SEMA3C: variants seen among roughly 807,000 people sequenced by gnomAD.
SEMA3C encodes the protein semaphorin 3C, also known as semaphorin-3C.
Under a neutral mutation model 89.4 loss-of-function variants are expected in SEMA3C, and 47 were observed. The ratio of observed to expected loss-of-function variants is 0.53; its 90% CI spans 0.42 to 0.67. The LOEUF (loss-of-function observed/expected upper bound fraction) is 0.67, where lower values mean the gene tolerates loss of function less well. Among genes scored for constraint, SEMA3C ranks in the 30% least tolerant of loss-of-function variants. The probability of loss-of-function intolerance (pLI) is 0.00; values close to 1 mark genes in which losing one functional copy is unlikely to be tolerated. For missense variants in SEMA3C, 839 were observed against 929.1 expected, an observed-to-expected ratio of 0.90 and a Z score of 1.26; for synonymous variants, 310 against 320.2, an observed-to-expected ratio of 0.97 and a Z score of 0.34.
intron 2 of SEMA3C, among the ~76,000 whole-genome samples, chr7:80,902,807 ACTTTTC>A (rs1212257193): frequency 5.9e-5 from 9 of 152,122 alleles, no homozygotes; most frequent in African/African-American, 2.2e-4. Flanking sequence ...GGGTATTTAC[ACTTTTC>A]CTTGTGTGTT....
chr7:80,910,605 A>C (rs1792120209), intron 2 of SEMA3C, among the ~76,000 whole-genome samples: 1 of 151,494 alleles, frequency 6.6e-6, no homozygotes, highest in South Asian at 2.1e-4. Context: ...AAGGCAAAAA[A>C]GTGCTGGAAT....
At chr7:80,830,212 T>C (rs973851947) in intron 2 of SEMA3C, among the ~76,000 whole-genome samples, 1 of 152,176 alleles carries the variant, frequency 6.6e-6, no homozygotes, top group Admixed American at 6.6e-5. Flanking sequence ...CCAGGTTCTG[T>C]TGCCAAACTT....
chr7:80,906,381 A>T lies in SEMA3C; in HGVS notation c.103+10298T>A, dbSNP rs1174907969. Reference sequence around the variant, plus strand: ...CTAAGTGCTCATGGCACTGAATTTCATCTCCATAGCACAAATAAATGACAC... The same window carrying T: ...CTAAGTGCTCATGGCACTGAATTTCTTCTCCATAGCACAAATAAATGACAC... On this transcript the variant is annotated intron_variant, in intron 2 of 17. Transcript: ENST00000265361. 2.0e-5 allele frequency among the ~76,000 whole-genome samples: 3 copies of T among 152,178 alleles called. No homozygotes were observed. In the East Asian group the frequency reaches 5.8e-4, roughly 29 times the overall value.
At chr7:80,920,409 A>T (rs142003683), upstream of SEMA3C, among the ~76,000 whole-genome samples, 6 of 152,206 alleles carry the variant, frequency 3.9e-5, no homozygotes, top group African/African-American at 1.4e-4. Flanking sequence ...TTAAATTCTT[A>T]TAAACTGTAT....
chr7:80,779,342 TA>T (rs1052082457), intron 12 of SEMA3C, among the ~76,000 whole-genome samples: 13 of 151,890 alleles, frequency 8.6e-5, no homozygotes, highest in Non-Finnish European at 1.3e-4. Flanking sequence ...CCATTTATTT[TA>T]AAAAAAAGGA....
intron 2 of SEMA3C, among the ~76,000 whole-genome samples, chr7:80,897,735 G>A (rs933871335): frequency 1.2e-4 from 19 of 152,096 alleles, no homozygotes; most frequent in African/African-American, 4.6e-4. Flanking sequence ...AAATTCAGAA[G>A]GCTTCATTTA....
At chr7:80,757,670 C>A (rs1291244053) in intron 15 of SEMA3C, among the ~76,000 whole-genome samples, 1 of 152,060 alleles carries the variant, frequency 6.6e-6, no homozygotes, top group Non-Finnish European at 1.5e-5. Context: ...TACACTAAAG[C>A]ATATAAAATA....
intron 15 of SEMA3C, among the ~76,000 whole-genome samples, chr7:80,757,144 G>A (rs749306331): frequency 1.9e-4 from 29 of 152,254 alleles, no homozygotes; most frequent in Non-Finnish European, 3.5e-4. Flanking sequence ...GGTCCTCAAA[G>A]GAATGTAGAG....
At position 80,885,258 on chromosome 7, in the gene SEMA3C, T is replaced by C. The variant is rs114477208; in HGVS notation, c.103+31421A>G. ...TTTCAGACATTTGGAAGATAGCTCTTCTCTACATTTTCCCCCTCTTTTATC... is the reference window on the plus strand; with the variant it reads ...TTTCAGACATTTGGAAGATAGCTCTCCTCTACATTTTCCCCCTCTTTTATC... On this transcript the variant is annotated intron_variant, in intron 2 of 17. Transcript: ENST00000265361. 2.7e-3 allele frequency among the ~76,000 whole-genome samples: 418 copies of C among 152,300 alleles called. 3 individuals are homozygous for C. Among genetic ancestry groups the C allele is most frequent in the African/African-American group, 9.1e-3 (380 of 41,556 alleles).
At chr7:80,745,656 T>C (rs1373949246) in intron 17 of SEMA3C, among the ~76,000 whole-genome samples, 10 of 152,132 alleles carry the variant, frequency 6.6e-5, no homozygotes, top group Admixed American at 6.6e-4. Flanking sequence ...TCAATATCTG[T>C]AAATGAAACT....
chr7:80,853,412 T>C (rs1000096329), intron 2 of SEMA3C, among the ~76,000 whole-genome samples: 1 of 152,182 alleles, frequency 6.6e-6, no homozygotes, highest in East Asian at 1.9e-4. Context: ...GTGGTACATA[T>C]ACACAATGGA....
At chr7:80,752,706 T>C (rs1787965300) in intron 15 of SEMA3C, among the ~76,000 whole-genome samples, 2 of 152,116 alleles carry the variant, frequency 1.3e-5, no homozygotes, top group Admixed American at 1.3e-4. Flanking sequence ...TTCGTGAGTC[T>C]TAGATTCACT....
At chr7:80,822,115 G>A (rs549649940) in intron 4 of SEMA3C, among the ~76,000 whole-genome samples, 3 of 152,206 alleles carry the variant, frequency 2.0e-5, no homozygotes, top group Admixed American at 1.3e-4. Context: ...CATTCTATGC[G>A]AGGCACTACA....
chr7:80,821,207 T>A (rs1190312472), intron 4 of SEMA3C, among the ~76,000 whole-genome samples: 1 of 152,226 alleles, frequency 6.6e-6, no homozygotes, highest in East Asian at 1.9e-4. Context: ...ACTTACTGTA[T>A]GCTACTTAGG....
chr7:80,899,147 T>G (rs896890947), intron 2 of SEMA3C, among the ~76,000 whole-genome samples: 2 of 152,256 alleles, frequency 1.3e-5, no homozygotes, highest in Non-Finnish European at 2.9e-5. Flanking sequence ...CTCAAGCAAT[T>G]CTCCTGCCTC....
chr7:80,836,725 C>T (rs1790138948), intron 2 of SEMA3C, among the ~76,000 whole-genome samples: 1 of 150,176 alleles, frequency 6.7e-6, no homozygotes, highest in Admixed American at 6.6e-5. Flanking sequence ...AACAGACAGA[C>T]AGCAGTGAAC....
intron 17 of SEMA3C, 135 bp downstream of exon 17, chr7:80,748,763 G>T: frequency 2.5e-6 from 2 of 801,136 alleles, no homozygotes; most frequent in Non-Finnish European, 3.9e-6. Flanking sequence ...AAGGAAAGTG[G>T]CACTTGTCAT....
chr7:80,814,183 C>T (rs150673672), intron 5 of SEMA3C, among the ~76,000 whole-genome samples: 1,829 of 151,852 alleles, frequency 0.012, 25 homozygotes, highest in Non-Finnish European at 0.017. Flanking sequence ...CTCCGCCTCC[C>T]GGGTTCACGC....
chr7:80,804,071 G>A, intron 8 of SEMA3C, 35 bp downstream of exon 8: 4 of 1,543,658 alleles, frequency 2.6e-6, no homozygotes, highest in Non-Finnish European at 2.6e-6. Flanking sequence ...GAATTTCTTG[G>A]TCTTTCTTCA....
Sources: allele counts gnomAD v4.1 joint callset (sites outside exome capture counted in the v4.1 genomes callset), GRCh38; gene constraint gnomAD v4.1.1; transcripts MANE v1.5; gene names NCBI Gene and HGNC (gene_info 2026-07-23, HGNC 2026-07-21).